The following RGSL1 variants were observed in gnomAD, a reference collection of about 807,000 sequenced individuals.
RGSL1 encodes the protein regulator of G protein signaling protein-like.
RGSL1 carries 97 observed loss-of-function variants against 124.7 expected under a neutral mutation model. The ratio of observed to expected loss-of-function variants is 0.78; its 90% CI spans 0.66 to 0.92. RGSL1 has a LOEUF of 0.92. Among genes scored for constraint, RGSL1 ranks in the 40% least tolerant of loss-of-function variants. RGSL1 has a pLI of 0.00. For missense variants in RGSL1, 1,233 were observed against 1,288.4 expected (o/e 0.96, Z 0.66); for synonymous variants, 424 against 438.1 (o/e 0.97, Z 0.40).
Position 182,473,913 on chromosome 1 carries a change from A to C in RGSL1, c.802A>C (p.Met268Leu), listed in dbSNP as rs1337223530. The C allele has an allele frequency of 3.2e-6, 5 of 1,552,030 alleles. No homozygotes were observed. The East Asian group carries it at 1.2e-4, about 38-fold the overall frequency. ...AGATCCTGACTCTTGGTCTCTGGAAATGGATCTCAAGCCAGATGCTATTGG... is the reference window on the plus strand; with the variant it reads ...AGATCCTGACTCTTGGTCTCTGGAACTGGATCTCAAGCCAGATGCTATTGG... Reference protein sequence around the residue: ...LVDPDSWSLEMDLKPDAIGMP... With the variant: ...LVDPDSWSLELDLKPDAIGMP... The change falls in exon 6 of 22, where the codon ATG becomes CTG. Residue 268 changes from methionine to leucine, a missense_variant. By Grantham distance (15) the Met-to-Leu change is conservative. Coordinates refer to ENST00000294854, the MANE Select transcript of RGSL1 (RefSeq NM_001137669.2).
At chr1:182,540,610 T>C (rs1420329018) in intron 15 of RGSL1, among the ~76,000 whole-genome samples, 189 bp downstream of exon 15, 1 of 152,176 alleles carries the variant, frequency 6.6e-6, no homozygotes, top group Non-Finnish European at 1.5e-5. Flanking sequence ...CTTTGGGTGC[T>C]AAAAGCTCTT....
At chr1:182,492,157 G>T (rs1429249821) in intron 8 of RGSL1, among the ~76,000 whole-genome samples, 1 of 152,192 alleles carries the variant, frequency 6.6e-6, no homozygotes, top group Non-Finnish European at 1.5e-5. Context: ...TTTGCCATTT[G>T]TTATTCTTAG....
chr1:182,505,114 C>A (rs1656717107), intron 9 of RGSL1, among the ~76,000 whole-genome samples: 1 of 152,152 alleles, frequency 6.6e-6, no homozygotes, highest in South Asian at 2.1e-4. Context: ...TGTCCCTAGG[C>A]CCAAGCTGTG....
chr1:182,515,785 C>T (rs923483374), intron 9 of RGSL1, among the ~76,000 whole-genome samples: 1 of 152,096 alleles, frequency 6.6e-6, no homozygotes, highest in Admixed American at 6.5e-5. Context: ...GCAGCTCGTA[C>T]GTGCTGCAGA....
At chr1:182,501,338 G>T (rs1206439875) in intron 9 of RGSL1, among the ~76,000 whole-genome samples, 2 of 34,360 alleles carry the variant, frequency 5.8e-5, no homozygotes, top group South Asian at 9.3e-4. Context: ...TTTTTTTTTT[G>T]AGACAGAGTC....
upstream of RGSL1, among the ~76,000 whole-genome samples, chr1:182,449,655 G>C (rs1651669052): frequency 6.6e-6 from 1 of 152,178 alleles, no homozygotes; most frequent in Non-Finnish European, 1.5e-5. Context: ...TTTTAAAGAT[G>C]AGGTTTCACT....
chr1:182,504,499 T>TTG (rs1656663333), intron 9 of RGSL1, among the ~76,000 whole-genome samples: 1 of 49,200 alleles, frequency 2.0e-5, no homozygotes, highest in Non-Finnish European at 4.5e-5. Flanking sequence ...TTTTTTTTTT[T>TTG]GCATACCTCA....
intron 1 of RGSL1, among the ~76,000 whole-genome samples, chr1:182,451,371 T>C (rs1207242313): frequency 6.6e-6 from 1 of 152,050 alleles, no homozygotes; most frequent in Non-Finnish European, 1.5e-5. Context: ...CGTGATGGTA[T>C]AGGGAGATAG....
intron 4 of RGSL1, among the ~76,000 whole-genome samples, chr1:182,463,923 A>G (rs1464681970): frequency 6.6e-6 from 1 of 152,226 alleles, no homozygotes; most frequent in Non-Finnish European, 1.5e-5. Context: ...ATTCTTCTCA[A>G]GTGCACATGG....
chr1:182,494,011 C>G (rs1226091242), intron 9 of RGSL1, among the ~76,000 whole-genome samples: 1 of 152,176 alleles, frequency 6.6e-6, no homozygotes, highest in Non-Finnish European at 1.5e-5. Context: ...CCTCTTCTTC[C>G]TCTCCTGCTC....
rs546854322 is a variant in RGSL1, at chr1:182,540,623, G to A, written c.2669+202G>A. ...TTCTTTGGGTGCTAAAAGCTCTTCA[G>A]TATTCCAGAAATTCCACTGTTAAAA... On this transcript the variant is annotated intron_variant, in intron 15 of 21. Transcript: ENST00000294854. 5.8e-4 allele frequency among the ~76,000 whole-genome samples: 89 copies of A among 152,180 alleles called. No individual in the cohort carries two copies. The South Asian group carries it at 0.017, about 29-fold the overall frequency.
rs1282978966 is a variant in RGSL1, at chr1:182,483,458, ATACT to A, written c.1432-4824_1432-4821del. Among the ~76,000 whole-genome samples the A allele has an allele frequency of 6.6e-5, 10 of 152,260 alleles. No homozygotes were observed. In the South Asian group the frequency reaches 1.7e-3, roughly 25 times the overall value. ...GACTTAAAAATAATTTTAAAAATAC[ATACT>A]TAATATATGTGTATATATAAAATAA... On this transcript the variant is annotated intron_variant, in intron 6 of 21. Transcript: ENST00000294854.
chr1:182,531,884 A>T (rs1659198359), intron 13 of RGSL1, among the ~76,000 whole-genome samples: 1 of 152,208 alleles, frequency 6.6e-6, no homozygotes, highest in Non-Finnish European at 1.5e-5. Context: ...TCTATCTTAC[A>T]CATGGAGACA....
At chr1:182,536,791 C>A (rs12128450) in intron 14 of RGSL1, among the ~76,000 whole-genome samples, 1 of 151,950 alleles carries the variant, frequency 6.6e-6, no homozygotes, top group Non-Finnish European at 1.5e-5. Context: ...CATCAGATCT[C>A]GTGAGACTTA....
intron 10 of RGSL1, among the ~76,000 whole-genome samples, chr1:182,524,831 G>A (rs1481328726): frequency 1.3e-5 from 2 of 152,188 alleles, no homozygotes; most frequent in East Asian, 1.9e-4. Flanking sequence ...TACTAGTTGA[G>A]CAAGCAGTAA....
Position 182,472,457 on chromosome 1 carries a change from C to T in RGSL1, c.363C>T (p.Asp121=). The change falls in exon 5 of 22, where the codon GAC becomes GAT. Residue 121 remains aspartate (D), a synonymous_variant. Transcript: ENST00000294854. ...ACATCCTGAGCATAGATGAGATGGA[C>T]CTGGAAGTGAGAGACTACTACCTGT... The part of the protein sequence containing the change: ...AENILSIDEM[D]LEVRDYYLSL... The T allele has an allele frequency of 4.5e-6, 7 of 1,551,048 alleles. No individual in the cohort carries two copies. The highest frequency in any genetic ancestry group is 4.4e-6 in the Non-Finnish European group (5 of 1,146,614).
At chr1:182,540,667 GA>G (rs1297270340) in intron 15 of RGSL1, among the ~76,000 whole-genome samples, 1 of 152,090 alleles carries the variant, frequency 6.6e-6, no homozygotes, top group Admixed American at 6.6e-5. Flanking sequence ...CTTAGTCCCA[GA>G]AAAGGGAGCA....
chr1:182,468,511 G>A (rs574729849), intron 4 of RGSL1, among the ~76,000 whole-genome samples: 13 of 152,034 alleles, frequency 8.6e-5, no homozygotes, highest in Admixed American at 3.9e-4. Context: ...GCAAACTATC[G>A]CAAGGACAAA....
At chr1:182,552,098 G>T (rs1186443983) in intron 18 of RGSL1, among the ~76,000 whole-genome samples, 1 of 151,778 alleles carries the variant, frequency 6.6e-6, no homozygotes, top group African/African-American at 2.4e-5. Context: ...AGCTGTGATT[G>T]GTACTTGAGC....
Sources: gnomAD v4.1 joint callset for allele counts (sites outside exome capture counted in the v4.1 genomes callset) on GRCh38, gnomAD v4.1.1 for gene constraint, MANE v1.5 for transcripts, NCBI Gene and HGNC (gene_info 2026-07-23, HGNC 2026-07-21) for gene names.